Variants in C11orf65 observed in about 807,000 individuals in gnomAD.
C11orf65 encodes protein MFI.
Under a neutral mutation model 35.3 loss-of-function variants are expected in C11orf65, and 38 were observed. The ratio of observed to expected loss-of-function variants is 1.08; its 90% CI spans 0.83 to 1.41. C11orf65 has a LOEUF of 1.41. Among genes scored for constraint, C11orf65 ranks in the 40% most tolerant of loss-of-function variants. The probability of loss-of-function intolerance (pLI) is 0.00; values close to 1 mark genes in which losing one functional copy is unlikely to be tolerated. For synonymous variants in C11orf65, 105 were observed against 114.4 expected (o/e 0.92, Z 0.53); for missense variants, 370 against 367.1 (o/e 1.01, Z -0.06).
In C11orf65 at chr11:108,333,899, TC is replaced by T; in HGVS notation, c.299+1320del. On this transcript the variant is annotated intron_variant, in intron 3 of 3. Transcript: ENST00000524755. ...TTTTAAATACAGAAGGCATAAATAT[TC>T]CAGCAGACCAGCCAATTACTAAACT... The T allele has an allele frequency of 6.2e-7, 1 of 1,608,534 alleles. No homozygotes were observed. The highest frequency in any genetic ancestry group is 8.5e-7 in the Non-Finnish European group (1 of 1,174,982).
At chr11:108,378,874 A>G (rs932392764), downstream of C11orf65, among the ~76,000 whole-genome samples, 56 of 151,658 alleles carry the variant, frequency 3.7e-4, no homozygotes, top group Non-Finnish European at 6.9e-4. Context: ...AACACATGAA[A>G]AAATGCTCAT....
chr11:108,406,417 A>G (rs1471786018), intron 5 of C11orf65, among the ~76,000 whole-genome samples: 1 of 152,186 alleles, frequency 6.6e-6, no homozygotes. Context: ...CTGGGATTAC[A>G]GGCATGAGCC....
At chr11:108,337,153 G>C (rs992922838) in intron 2 of C11orf65, among the ~76,000 whole-genome samples, 3 of 152,150 alleles carry the variant, frequency 2.0e-5, no homozygotes, top group Non-Finnish European at 4.4e-5. Flanking sequence ...ATAAAAAGCA[G>C]AACTTGGTTT....
Position 108,317,615 on chromosome 11 carries a change from TTA to T in C11orf65, c.641-8546_641-8545del, listed in dbSNP as rs376158749. On this transcript the variant is annotated intron_variant, in intron 6 of 6. Coordinates refer to the C11orf65 transcript ENST00000525729. ...TTCTATGAATATAACAGGAGTTGTT[TTA>T]TATATATATATATATATATATATAT... The T allele has an allele frequency of 0.036, 7,723 of 215,002 alleles. 407 individuals are homozygous for T. Among genetic ancestry groups the T allele is most frequent in the Admixed American group, 0.11 (1,635 of 14,830 alleles). 13.3% of individuals were successfully genotyped at this position (215,002 alleles called of 1,614,324 possible).
intron 2 of C11orf65, 45 bp downstream of exon 2, chr11:108,461,432 TTA>T (rs1470697107): frequency 2.8e-6 from 4 of 1,434,998 alleles, no homozygotes; most frequent in Non-Finnish European, 3.9e-6. Context: ...ACTTTAAATT[TTA>T]TGACATAAAA....
intron 6 of C11orf65, among the ~76,000 whole-genome samples, chr11:108,318,430 C>G (rs1451750944): frequency 6.6e-6 from 1 of 152,088 alleles, no homozygotes; most frequent in Non-Finnish European, 1.5e-5. Flanking sequence ...GTGGCTCACA[C>G]CTGTAATCCC....
chr11:108,399,319 C>A (rs1363283160), intron 6 of C11orf65, among the ~76,000 whole-genome samples: 2 of 152,190 alleles, frequency 1.3e-5, no homozygotes, highest in African/African-American at 4.8e-5. Flanking sequence ...CAATTTTATT[C>A]TTTGCAAATG....
intron 2 of C11orf65, among the ~76,000 whole-genome samples, chr11:108,449,438 A>G (rs1437021376): frequency 2.6e-5 from 4 of 152,034 alleles, no homozygotes; most frequent in Non-Finnish European, 5.9e-5. Flanking sequence ...CAAAACAGAG[A>G]TATAGATCAA....
chr11:108,402,163 G>A (rs1468538418), intron 6 of C11orf65, among the ~76,000 whole-genome samples: 3 of 152,200 alleles, frequency 2.0e-5, no homozygotes, highest in Non-Finnish European at 4.4e-5. Context: ...AGTAGAGGGG[G>A]AATCCTGAGG....
At position 108,365,465 on chromosome 11, in the gene C11orf65, A is replaced by G. The variant is rs867893961; in HGVS notation, c.226+27743T>C. On this transcript the variant is annotated intron_variant, in intron 2 of 3. Coordinates refer to the C11orf65 transcript ENST00000524755. ...CTCATACAGCAGGCCATAGACCCCA[A>G]AAATCTCAGCCGACTTTTCCCAGGA... 4 of 1,614,074 alleles carry G rather than the reference A, an allele frequency of 2.5e-6. No individual in the cohort carries two copies. The highest frequency in any genetic ancestry group is 3.4e-6 in the Non-Finnish European group (4 of 1,180,046).
chr11:108,405,862 A>G (rs566304049), intron 5 of C11orf65, among the ~76,000 whole-genome samples: 1 of 152,172 alleles, frequency 6.6e-6, no homozygotes, highest in Non-Finnish European at 1.5e-5. Flanking sequence ...AATAGACCTG[A>G]CCTACTCTTA....
intron 3 of C11orf65, among the ~76,000 whole-genome samples, chr11:108,420,910 C>T (rs114973217): frequency 1.2e-4 from 18 of 152,058 alleles, no homozygotes; most frequent in African/African-American, 3.4e-4. Context: ...CTACCGCACC[C>T]GGCCAAAATT....
At chr11:108,389,463 T>G (rs2092093895) in intron 7 of C11orf65, among the ~76,000 whole-genome samples, 1 of 152,192 alleles carries the variant, frequency 6.6e-6, no homozygotes, top group Admixed American at 6.5e-5. Context: ...ATGTAAAACC[T>G]TGCTAAGAGT....
At chr11:108,434,200 A>G (rs1017612427) in intron 2 of C11orf65, among the ~76,000 whole-genome samples, 1 of 152,168 alleles carries the variant, frequency 6.6e-6, no homozygotes, top group Non-Finnish European at 1.5e-5. Context: ...CAAAGTGGTC[A>G]TAGCAGTAGG....
At position 108,344,165 on chromosome 11, in the gene C11orf65, A is replaced by G. The variant is rs527659273; in HGVS notation, c.227-8873T>C. ...TTTTTTAAAATGTGTGATAAGTGCTATAGGTGTTGTGATGGAAGTCTGTAC... is the reference window on the plus strand; with the variant it reads ...TTTTTTAAAATGTGTGATAAGTGCTGTAGGTGTTGTGATGGAAGTCTGTAC... On this transcript the variant is annotated intron_variant, in intron 2 of 3. Coordinates refer to the C11orf65 transcript ENST00000524755. Among the ~76,000 whole-genome samples, 4 of 152,264 alleles carry G rather than the reference A, an allele frequency of 2.6e-5. No homozygotes were observed. The East Asian group carries it at 5.8e-4, about 22-fold the overall frequency.
Position 108,422,751 on chromosome 11 carries a change from G to A in C11orf65, c.174+8995C>T, listed in dbSNP as rs368636711. Among the ~76,000 whole-genome samples, 93 of 151,950 alleles carry A rather than the reference G, an allele frequency of 6.1e-4. 1 individual carries two copies. Among genetic ancestry groups the A allele is most frequent in the African/African-American group, 1.8e-3 (75 of 41,446 alleles). On this transcript the variant is annotated intron_variant, in intron 3 of 8. Transcript: ENST00000393084. ...ACAAAAATTAGCAGGGCATGGTGGC[G>A]GGCACCTGTAGTCCCAGCTACTCGA... is the stretch of plus-strand genomic sequence containing the variant.
At chr11:108,460,636 T>A (rs2093462030) in intron 2 of C11orf65, among the ~76,000 whole-genome samples, 1 of 152,198 alleles carries the variant, frequency 6.6e-6, no homozygotes, top group African/African-American at 2.4e-5. Context: ...ATAGCCATTA[T>A]AAAAGTGCCT....
At chr11:108,344,018 T>C (rs193211626) in intron 2 of C11orf65, among the ~76,000 whole-genome samples, 60 of 152,350 alleles carry the variant, frequency 3.9e-4, no homozygotes, top group Admixed American at 3.2e-3. Context: ...ATCCTCATTT[T>C]AAAATGAGAA....
chr11:108,352,677 A>G (rs540487511), intron 2 of C11orf65, among the ~76,000 whole-genome samples: 2 of 152,354 alleles, frequency 1.3e-5, no homozygotes, highest in African/African-American at 4.8e-5. Context: ...ACAGTGGGCA[A>G]ATGCTTAAAC....
Sources: allele counts gnomAD v4.1 joint callset (sites outside exome capture counted in the v4.1 genomes callset), GRCh38; gene constraint gnomAD v4.1.1; transcripts MANE v1.5; gene names NCBI Gene and HGNC (gene_info 2026-07-23, HGNC 2026-07-21).